The following GRIA4 variants were observed in gnomAD, a reference collection of about 807,000 sequenced individuals.
The protein encoded by GRIA4 is glutamate ionotropic receptor AMPA type subunit 4.
In GRIA4, 34 loss-of-function variants were observed where a neutral mutation model predicts 104.0. The observed-to-expected ratio is 0.33, with a 90% CI of 0.25 to 0.44. The LOEUF (loss-of-function observed/expected upper bound fraction) is 0.44, where lower values mean the gene tolerates loss of function less well. Among genes scored for constraint, GRIA4 ranks in the 20% least tolerant of loss-of-function variants. The probability of loss-of-function intolerance (pLI) is 1.00; values close to 1 mark genes in which losing one functional copy is unlikely to be tolerated. For missense variants in GRIA4, 750 were observed against 1,096.5 expected, an observed-to-expected ratio of 0.68 and a Z score of 4.46; for synonymous variants, 386 against 381.9, an observed-to-expected ratio of 1.01 and a Z score of -0.13.
At chr11:105,979,239 T>G (rs1565377875) in intron 16 of GRIA4, among the ~76,000 whole-genome samples, 1 of 152,202 alleles carries the variant, frequency 6.6e-6, no homozygotes, top group Non-Finnish European at 1.5e-5. Context: ...TTGTCAAACA[T>G]AAAAGAGCTT....
At chr11:105,765,842 C>T (rs1940910425) in intron 4 of GRIA4, among the ~76,000 whole-genome samples, 1 of 152,148 alleles carries the variant, frequency 6.6e-6, no homozygotes, top group African/African-American at 2.4e-5. Context: ...CTTGGAGGAG[C>T]TTGCCAACCC....
At chr11:105,678,573 C>A (rs1327221034) in intron 3 of GRIA4, among the ~76,000 whole-genome samples, 1 of 152,074 alleles carries the variant, frequency 6.6e-6, no homozygotes, top group Non-Finnish European at 1.5e-5. Flanking sequence ...TTTAAGCAAT[C>A]CTCATTACCT....
At chr11:105,715,232 T>C (rs1347421517) in intron 3 of GRIA4, among the ~76,000 whole-genome samples, 1 of 152,214 alleles carries the variant, frequency 6.6e-6, no homozygotes, top group Admixed American at 6.6e-5. Context: ...GTAACCATAC[T>C]ATTACATCTT....
intron 4 of GRIA4, among the ~76,000 whole-genome samples, chr11:105,770,706 A>G (rs1941167920): frequency 6.6e-6 from 1 of 151,950 alleles, no homozygotes; most frequent in Non-Finnish European, 1.5e-5. Context: ...CCTAGTTAAA[A>G]CCTACTTTTC....
At chr11:105,749,941 A>G (rs975567230) in intron 3 of GRIA4, among the ~76,000 whole-genome samples, 3 of 152,056 alleles carry the variant, frequency 2.0e-5, no homozygotes, top group Admixed American at 1.3e-4. Flanking sequence ...ATTCCCGTTT[A>G]TTTTGCCATT....
At chr11:105,698,977 C>A (rs1390802639) in intron 3 of GRIA4, among the ~76,000 whole-genome samples, 1 of 152,154 alleles carries the variant, frequency 6.6e-6, no homozygotes, top group Non-Finnish European at 1.5e-5. Flanking sequence ...GCTGAATATG[C>A]CATGTCAGTC....
intron 4 of GRIA4, among the ~76,000 whole-genome samples, chr11:105,790,494 T>A: frequency 6.6e-6 from 1 of 152,082 alleles, no homozygotes; most frequent in East Asian, 1.9e-4. Flanking sequence ...AATGACACAC[T>A]ACCTCCTAGC....
intron 3 of GRIA4, among the ~76,000 whole-genome samples, chr11:105,629,938 T>C (rs1231703021): frequency 6.6e-6 from 1 of 152,168 alleles, no homozygotes; most frequent in African/African-American, 2.4e-5. Context: ...GCCAAGAAAA[T>C]TTGTGATTAC....
intron 3 of GRIA4, among the ~76,000 whole-genome samples, chr11:105,640,641 A>G (rs1951332501): frequency 6.6e-6 from 1 of 151,904 alleles, no homozygotes; most frequent in Admixed American, 6.6e-5. Context: ...TGACAATTTT[A>G]AGTAACAATT....
intron 3 of GRIA4, among the ~76,000 whole-genome samples, chr11:105,649,310 C>T (rs1204947272): frequency 1.3e-5 from 2 of 151,982 alleles, no homozygotes; most frequent in African/African-American, 2.4e-5. Flanking sequence ...AGCTAAATAT[C>T]TCGGAGAATG....
chr11:105,943,507 A>C (rs1948231868), intron 14 of GRIA4, among the ~76,000 whole-genome samples: 1 of 152,116 alleles, frequency 6.6e-6, no homozygotes, highest in Non-Finnish European at 1.5e-5. Context: ...GTGGTGTTTC[A>C]ATATGAAATA....
At chr11:105,708,382 C>G (rs1034830465) in intron 3 of GRIA4, among the ~76,000 whole-genome samples, 3 of 152,048 alleles carry the variant, frequency 2.0e-5, no homozygotes, top group African/African-American at 7.2e-5. Flanking sequence ...TTCTGTAATA[C>G]ACTGCCCTTT....
intron 4 of GRIA4, among the ~76,000 whole-genome samples, chr11:105,766,275 T>A (rs918149020): frequency 1.3e-5 from 2 of 152,156 alleles, no homozygotes; most frequent in Non-Finnish European, 2.9e-5. Context: ...AAACTAGGGA[T>A]TATGCTTTCA....
At chr11:105,654,575 GGATT>G (rs975502556) in intron 3 of GRIA4, among the ~76,000 whole-genome samples, 6 of 151,714 alleles carry the variant, frequency 4.0e-5, no homozygotes, top group African/African-American at 1.5e-4. Context: ...TTTTTGGGTG[GGATT>G]GACAGTAAAA....
At chr11:105,912,014 T>C in intron 10 of GRIA4, 20 of 1,272,292 alleles carry the variant, frequency 1.6e-5, no homozygotes, top group South Asian at 2.4e-5. Context: ...GGGATTCTTC[T>C]TGGATGACCA....
chr11:105,937,470 G>A (rs927468716), intron 14 of GRIA4, among the ~76,000 whole-genome samples: 1 of 152,062 alleles, frequency 6.6e-6, no homozygotes, highest in Admixed American at 6.6e-5. Context: ...TCATCATTCG[G>A]TTGACATAGA....
intron 5 of GRIA4, among the ~76,000 whole-genome samples, chr11:105,867,733 A>G (rs1192325503): frequency 1.3e-5 from 2 of 152,228 alleles, no homozygotes; most frequent in African/African-American, 4.8e-5. Context: ...AGAAGAAACA[A>G]AAAGAAGCAC....
intron 13 of GRIA4, among the ~76,000 whole-genome samples, chr11:105,932,217 C>T (rs1947897797): frequency 6.6e-6 from 1 of 152,060 alleles, no homozygotes; most frequent in African/African-American, 2.4e-5. Flanking sequence ...TGGCTCACTG[C>T]AGCCTCTGCC....
intron 3 of GRIA4, among the ~76,000 whole-genome samples, chr11:105,746,873 C>T (rs148415489): frequency 6.6e-6 from 1 of 152,048 alleles, no homozygotes; most frequent in Admixed American, 6.6e-5. Context: ...AGGCCTTGAA[C>T]CAACAATCGG....
Sources: gnomAD v4.1 joint callset for allele counts (sites outside exome capture counted in the v4.1 genomes callset) on GRCh38, gnomAD v4.1.1 for gene constraint, MANE v1.5 for transcripts, NCBI Gene and HGNC (gene_info 2026-07-23, HGNC 2026-07-21) for gene names.